The following AOPEP variants were observed in gnomAD, a reference collection of about 807,000 sequenced individuals.
AOPEP encodes aminopeptidase O (putative), also known as aminopeptidase O.
A neutral mutation model predicts 98.1 loss-of-function variants in AOPEP; 77 were observed. That is an observed-to-expected ratio of 0.78 (90% CI 0.65 to 0.95). The LOEUF (loss-of-function observed/expected upper bound fraction) is 0.95. AOPEP is among the 40% of genes least tolerant of loss of function. The pLI is 0.00. For missense variants in AOPEP, 1,024 were observed against 1,024.7 expected (o/e 1.00, Z 0.01); for synonymous variants, 346 against 365.3 (o/e 0.95, Z 0.60).
chr9:95,135,539 T>C, the AOPEP span: 2 of 1,592,482 alleles, frequency 1.3e-6, no homozygotes, highest in East Asian at 2.2e-5. Flanking sequence ...TAAACAGAAA[T>C]GGCTCACTGA....
chr9:94,790,564 TG>T (rs1194686346), intron 3 of AOPEP, among the ~76,000 whole-genome samples: 1 of 152,136 alleles, frequency 6.6e-6, no homozygotes, highest in African/African-American at 2.4e-5. Flanking sequence ...TGGCTGGCTC[TG>T]GTGGGTTTCC....
chr9:95,025,575 C>T (rs901043743), intron 13 of AOPEP, among the ~76,000 whole-genome samples: 7 of 152,154 alleles, frequency 4.6e-5, no homozygotes, highest in African/African-American at 1.4e-4. Context: ...CAAGAAAGGT[C>T]GTCTTAGATT....
At chr9:94,927,608 G>T (rs2054556225) in intron 6 of AOPEP, among the ~76,000 whole-genome samples, 1 of 152,158 alleles carries the variant, frequency 6.6e-6, no homozygotes, top group African/African-American at 2.4e-5. Flanking sequence ...GGGCAAGGGG[G>T]CATCTGGGTT....
intron 7 of AOPEP, chr9:94,932,092 A>T: frequency 1.9e-6 from 2 of 1,065,024 alleles, no homozygotes; most frequent in Non-Finnish European, 2.3e-6. Flanking sequence ...TCCCTATACC[A>T]TATTCCTGTC....
intron 13 of AOPEP, among the ~76,000 whole-genome samples, chr9:95,045,557 C>G (rs2065785334): frequency 6.6e-6 from 1 of 152,222 alleles, no homozygotes; most frequent in Non-Finnish European, 1.5e-5. Flanking sequence ...GTGGCTGGGT[C>G]CTCTCCGCGG....
intron 5 of AOPEP, among the ~76,000 whole-genome samples, chr9:94,888,138 G>T (rs1032117657): frequency 6.6e-6 from 1 of 152,128 alleles, no homozygotes; most frequent in African/African-American, 2.4e-5. Flanking sequence ...GAAAATAAGC[G>T]AGAAAATCTC....
intron 2 of AOPEP, among the ~76,000 whole-genome samples, chr9:94,764,879 A>T (rs1250322311): frequency 6.6e-6 from 1 of 151,992 alleles, no homozygotes; most frequent in East Asian, 1.9e-4. Flanking sequence ...TTTTTATTTT[A>T]TTATTATTTT....
chr9:94,969,800 GC>G (rs2059429246), intron 10 of AOPEP, among the ~76,000 whole-genome samples: 1 of 152,208 alleles, frequency 6.6e-6, no homozygotes, highest in Admixed American at 6.5e-5. Context: ...AACATTGCTT[GC>G]CTCATTTCTG....
intron 3 of AOPEP, among the ~76,000 whole-genome samples, chr9:94,781,803 G>T (rs1410120225): frequency 1.3e-5 from 2 of 150,890 alleles, no homozygotes; most frequent in African/African-American, 4.8e-5. Context: ...CTTGTGATCC[G>T]CCCGCCTTGG....
At chr9:95,101,614 C>A in the AOPEP span, 1 of 1,514,978 alleles carries the variant, frequency 6.6e-7, no homozygotes, top group Admixed American at 1.7e-5. Context: ...AGGGCACTTA[C>A]TCCACAAATG....
At chr9:94,885,370 A>AAAAAAAAAAAAAAAAAAAAC (rs2048111197) in intron 5 of AOPEP, among the ~76,000 whole-genome samples, 1 of 138,236 alleles carries the variant, frequency 7.2e-6, no homozygotes, top group Non-Finnish European at 1.5e-5. Flanking sequence ...AAAAAAAAAA[A>AAAAAAAAAAAAAAAAAAAAC]AAAAAAAAAA....
intron 5 of AOPEP, among the ~76,000 whole-genome samples, chr9:94,847,164 T>G (rs74973332): frequency 2.8e-5 from 1 of 35,090 alleles, no homozygotes; most frequent in African/African-American, 1.0e-4. Context: ...TCTCTCTGTC[T>G]CTCTCTCTCT....
chr9:94,906,816 T>C (rs1005843248), intron 5 of AOPEP, among the ~76,000 whole-genome samples: 1 of 152,194 alleles, frequency 6.6e-6, no homozygotes, highest in Non-Finnish European at 1.5e-5. Flanking sequence ...TCAGTTAATA[T>C]TTGCTGAATC....
At chr9:95,126,581 G>A in the AOPEP span, 5 of 1,613,996 alleles carry the variant, frequency 3.1e-6, no homozygotes, top group Non-Finnish European at 4.2e-6. Flanking sequence ...GCTGCTTGAG[G>A]CTGTAAAAGG....
At chr9:94,863,411 G>GAA (rs2045327926) in intron 5 of AOPEP, among the ~76,000 whole-genome samples, 1 of 151,616 alleles carries the variant, frequency 6.6e-6, no homozygotes, top group African/African-American at 2.4e-5. Context: ...CTCCCGAATA[G>GAA]CTGGGACTAC....
At chr9:94,927,555 G>A (rs916648203) in intron 6 of AOPEP, among the ~76,000 whole-genome samples, 1 of 152,184 alleles carries the variant, frequency 6.6e-6, no homozygotes, top group Non-Finnish European at 1.5e-5. Context: ...CTCCTTCCCT[G>A]AGGATCAGTG....
chr9:94,987,068 C>G (rs964308091), intron 11 of AOPEP, among the ~76,000 whole-genome samples: 1 of 152,212 alleles, frequency 6.6e-6, no homozygotes, highest in African/African-American at 2.4e-5. Flanking sequence ...TGAGTCCAGT[C>G]CTTTCCTATC....
chr9:94,817,026 A>T (rs2134091850), intron 5 of AOPEP, among the ~76,000 whole-genome samples: 1 of 151,668 alleles, frequency 6.6e-6, no homozygotes. Flanking sequence ...TCCTTTTAGG[A>T]TCTCACTTTT....
At chr9:95,040,381 G>A (rs901537140) in intron 13 of AOPEP, among the ~76,000 whole-genome samples, 1 of 152,224 alleles carries the variant, frequency 6.6e-6, no homozygotes, top group Non-Finnish European at 1.5e-5. Flanking sequence ...TGTGTCCCAC[G>A]ATATGTGATC....
Sources: allele counts gnomAD v4.1 joint callset (sites outside exome capture counted in the v4.1 genomes callset), GRCh38; gene constraint gnomAD v4.1.1; transcripts MANE v1.5; gene names NCBI Gene and HGNC (gene_info 2026-07-23, HGNC 2026-07-21).